FEM1B: variants seen among roughly 807,000 people sequenced by gnomAD.
The protein encoded by FEM1B is fem-1 homolog B.
A neutral mutation model predicts 38.6 loss-of-function variants in FEM1B; 10 were observed. The observed-to-expected ratio is 0.26, with a 90% CI of 0.16 to 0.44. FEM1B has a LOEUF of 0.44. Ranked by LOEUF, FEM1B falls within the 20% of genes least tolerant of loss-of-function variation. The probability of loss-of-function intolerance (pLI) is 1.00; values close to 1 mark genes in which losing one functional copy is unlikely to be tolerated. For missense variants in FEM1B, 471 were observed against 786.7 expected (o/e 0.60, Z 4.80); for synonymous variants, 288 against 288.0 (o/e 1.00, Z 0.00).
rs148495013 is a variant in FEM1B at position 68,290,045 on chromosome 15, C to G, written c.687C>G (p.Ser229Arg). ...CGCCATTGAAAGTAGCTGCCGAAAG[C>G]TGTAAAGCTGATGTCGTAGAACTGT... ...GMTPLKVAAESCKADVVELLL... is the reference protein window; with the variant it reads ...GMTPLKVAAERCKADVVELLL... Residue 229 changes from serine to arginine, a missense_variant, in exon 2 of 2, where the codon AGC (serine) becomes AGG (arginine). Transcript: ENST00000306917. This position sits in a 1 kb window ranked among gnomAD's most constrained non-coding sequence, Gnocchi z 9.7. 1.2e-6 allele frequency: 2 copies of G among 1,614,228 alleles called. No homozygotes were observed.
Position 68,278,708 on chromosome 15 carries a change from T to C in FEM1B, c.248+43T>C. On this transcript the variant is annotated intron_variant, in intron 1 of 1. Transcript: ENST00000306917. This position sits in a 1 kb window ranked among gnomAD's most constrained non-coding sequence, Gnocchi z 5.7. ...CAGCCTCTCTCCGACGCGCGCGGACTCGTTAATTCACGGGCCCTCCCCTCC... is the reference window on the plus strand; with the variant it reads ...CAGCCTCTCTCCGACGCGCGCGGACCCGTTAATTCACGGGCCCTCCCCTCC... 1 of 1,608,796 alleles carries C rather than the reference T, an allele frequency of 6.2e-7. No homozygotes were observed. Among genetic ancestry groups the C allele is most frequent in the Non-Finnish European group, 8.5e-7 (1 of 1,175,842 alleles).
chr15:68,291,297 AT>A lies in FEM1B; in HGVS notation c.*56del. On this transcript the variant is annotated 3_prime_UTR_variant, in exon 2 of 2. Transcript: ENST00000306917. The surrounding 1 kb of genome is among the most constrained non-coding windows in gnomAD (Gnocchi z 6.9). ...GGTGCTAAAAAGTAAAGGACTTTTA[AT>A]CACAGACAGTAGAATTATGTGTTCA... The A allele has an allele frequency of 7.6e-7, 1 of 1,312,040 alleles. No homozygotes were observed. Among genetic ancestry groups the A allele is most frequent in the Non-Finnish European group, 1.1e-6 (1 of 948,144 alleles). 81.3% of individuals were successfully genotyped at this position (1,312,040 alleles called of 1,614,324 possible).
Position 68,294,620 on chromosome 15 carries a change from GGAGT to G in FEM1B, c.*3383_*3386del, listed in dbSNP as rs1892884543. 2 of 151,976 alleles carry G rather than the reference GGAGT, an allele frequency of 1.3e-5. No homozygotes were observed. Among genetic ancestry groups the G allele is most frequent in the South Asian group, 4.2e-4 (2 of 4,808 alleles). 9.4% of individuals were successfully genotyped at this position (151,976 alleles called of 1,614,324 possible). Reference sequence around the variant, plus strand: ...TTTTTTTTGGAATGGGGTGGGATGAGGAGTGAGTTGCCAGACCTTTGATTAGTTT... The same window carrying G: ...TTTTTTTTGGAATGGGGTGGGATGAGGAGTTGCCAGACCTTTGATTAGTTT... On this transcript the variant is annotated 3_prime_UTR_variant, in exon 2 of 2. Transcript: ENST00000306917. The surrounding 1 kb of genome is among the most constrained non-coding windows in gnomAD (Gnocchi z 4.4).
intron 1 of FEM1B, among the ~76,000 whole-genome samples, chr15:68,285,275 A>T (rs1042747382): frequency 2.0e-5 from 3 of 147,786 alleles, no homozygotes; most frequent in Admixed American, 1.3e-4. Flanking sequence ...ATTAATTAAT[A>T]TTTTGGTTGT....
rs751042625 is a variant in FEM1B at position 68,278,548 on chromosome 15, G to T, written c.131G>T (p.Gly44Val). ...YLLGYVSQQG[G>V]QRSTPLIIAA... ...CTTGGCTATGTCAGCCAGCAGGGAG[G>T]GCAGCGCTCCACGCCCCTCATCATC... is the stretch of plus-strand genomic sequence containing the variant. The change falls in exon 1 of 2, where the codon GGG becomes GTG. Residue 44 changes from glycine to valine, a missense_variant. This residue lies in a region of FEM1B where 91 missense variants were observed against 169.6 expected (regional missense o/e 0.54). Transcript: ENST00000306917. This position sits in a 1 kb window ranked among gnomAD's most constrained non-coding sequence, Gnocchi z 5.7. The T allele has an allele frequency of 6.2e-7, 1 of 1,614,112 alleles. No homozygotes were observed. The highest frequency in any genetic ancestry group is 8.5e-7 in the Non-Finnish European group (1 of 1,180,036).
chr15:68,281,856 C>T lies in FEM1B; in HGVS notation c.248+3191C>T, dbSNP rs1450721743. ...GTCTCGATCTCCTGACCTCGTGATC[C>T]GCATGCCTCGGCCTCCCTAAGTGCT... On this transcript the variant is annotated intron_variant, in intron 1 of 1. Coordinates refer to ENST00000306917, the MANE Select transcript of FEM1B (RefSeq NM_015322.5). This position sits in a 1 kb window ranked among gnomAD's most constrained non-coding sequence, Gnocchi z 5.1. Among the ~76,000 whole-genome samples the T allele has an allele frequency of 7.9e-5, 12 of 152,248 alleles. No individual in the cohort carries two copies. Among genetic ancestry groups the T allele is most frequent in the African/African-American group, 2.4e-4 (10 of 41,534 alleles).
chr15:68,286,408 G>C (rs751807595), intron 1 of FEM1B, among the ~76,000 whole-genome samples: 1 of 151,682 alleles, frequency 6.6e-6, no homozygotes, highest in Non-Finnish European at 1.5e-5. Flanking sequence ...AGAGGTTCTC[G>C]CACTGTTGCT....
At chr15:68,286,967 A>G (rs1892796044) in intron 1 of FEM1B, among the ~76,000 whole-genome samples, 1 of 149,100 alleles carries the variant, frequency 6.7e-6, no homozygotes, top group Non-Finnish European at 1.5e-5. Flanking sequence ...AGCTCACTGC[A>G]ACCTCTGCCT....
chr15:68,278,224 C>A lies in FEM1B; in HGVS notation c.-194C>A. ...GCGCGGGCTGGGTCGCGGACGTGCC[C>A]TTCGCGGCACTCGGCCTCCTCTGCG... On this transcript the variant is annotated 5_prime_UTR_variant, in exon 1 of 2. Transcript: ENST00000306917. The surrounding 1 kb of genome is among the most constrained non-coding windows in gnomAD (Gnocchi z 5.7). The A allele has an allele frequency of 1.4e-6, 1 of 728,004 alleles. No individual in the cohort carries two copies. The highest frequency in any genetic ancestry group is 2.1e-6 in the Non-Finnish European group (1 of 469,314). The allele number at this position is 728,004 out of a possible 1,614,324, so 45.1% of individuals were successfully genotyped here.
At chr15:68,283,885 CT>C (rs35187853) in intron 1 of FEM1B, among the ~76,000 whole-genome samples, 12,304 of 138,968 alleles carry the variant, frequency 0.089, 431 homozygotes, top group Middle Eastern at 0.14. Flanking sequence ...CTCACGTAAA[CT>C]TTTTTTTTTT....
intron 1 of FEM1B, among the ~76,000 whole-genome samples, chr15:68,279,286 G>A (rs767436234): frequency 2.0e-5 from 3 of 152,244 alleles, no homozygotes; most frequent in Non-Finnish European, 4.4e-5. Flanking sequence ...CATTGGACCT[G>A]ATGTGGGAGA....
intron 1 of FEM1B, among the ~76,000 whole-genome samples, chr15:68,285,231 G>A (rs1369604337): frequency 3.3e-5 from 5 of 152,014 alleles, no homozygotes; most frequent in Admixed American, 2.6e-4. Flanking sequence ...GTGGTATTCC[G>A]TTGCATAAAT....
chr15:68,290,869 A>G lies in FEM1B; in HGVS notation c.1511A>G (p.Asn504Ser), dbSNP rs200910706. ...SNTPVDDFHT[N>S]DVCSFPNALV... ...ACTCCAGTTGATGATTTCCACACCA[A>G]TGACGTCTGCAGCTTTCCAAATGCA... Residue 504 changes from asparagine (N) to serine (S), a missense_variant, in exon 2 of 2, where the codon AAT becomes AGT. By Grantham distance (46) the Asn-to-Ser change is conservative. Transcript: ENST00000306917. This position sits in a 1 kb window ranked among gnomAD's most constrained non-coding sequence, Gnocchi z 9.7. 1.1e-5 allele frequency: 18 copies of G among 1,613,998 alleles called. No homozygotes were observed. Among genetic ancestry groups the G allele is most frequent in the Non-Finnish European group, 1.4e-5 (17 of 1,180,002 alleles).
At position 68,290,888 on chromosome 15, in the gene FEM1B, A is replaced by G; in HGVS notation, c.1530A>G (p.Pro510=). ...ACACCAATGACGTCTGCAGCTTTCC[A>G]AATGCACTTGTCACAAAGCTCCTGC... ...DFHTNDVCSF[P]NALVTKLLLD... The change falls in exon 2 of 2, where the codon CCA becomes CCG. Residue 510 remains proline, a synonymous_variant. Transcript: ENST00000306917. The surrounding 1 kb of genome is among the most constrained non-coding windows in gnomAD (Gnocchi z 9.7). 6.2e-7 allele frequency: 1 copy of G among 1,614,140 alleles called. No homozygotes were observed. Among genetic ancestry groups the G allele is most frequent in the Non-Finnish European group, 8.5e-7 (1 of 1,180,008 alleles).
At chr15:68,283,114 A>G (rs1377373664) in intron 1 of FEM1B, among the ~76,000 whole-genome samples, 1 of 152,118 alleles carries the variant, frequency 6.6e-6, no homozygotes, top group Non-Finnish European at 1.5e-5. Context: ...TAAACTGACC[A>G]AGTAGTTTCC....
rs1567115245 is a variant in FEM1B at position 68,293,575 on chromosome 15, A to G, written c.*2333A>G. ...GAATTTGAAGACAGTGGAATAAACT[A>G]TGAACTATGCTAATGGTAATTAGAT... On this transcript the variant is annotated 3_prime_UTR_variant, in exon 2 of 2. Coordinates refer to ENST00000306917, the MANE Select transcript of FEM1B (RefSeq NM_015322.5). This position sits in a 1 kb window ranked among gnomAD's most constrained non-coding sequence, Gnocchi z 5.8. The G allele has an allele frequency of 6.6e-6, 1 of 152,068 alleles. No individual in the cohort carries two copies. Among genetic ancestry groups the G allele is most frequent in the Admixed American group, 6.5e-5 (1 of 15,280 alleles). 9.4% of individuals were successfully genotyped at this position (152,068 alleles called of 1,614,324 possible).
chr15:68,290,947 A>T lies in FEM1B; in HGVS notation c.1589A>T (p.Asn530Ile). Residue 530 changes from asparagine (N) to isoleucine (I), a missense_variant, in exon 2 of 2, where the codon AAT becomes ATT. Transcript: ENST00000306917. The surrounding 1 kb of genome is among the most constrained non-coding windows in gnomAD (Gnocchi z 9.7). ...GGTGCTGAGGTGAATGCCGTGGACA[A>T]TGAGGGAAACAGTGCCCTTCATATT... ...DCGAEVNAVDNEGNSALHIIV... is the reference protein window; with the variant it reads ...DCGAEVNAVDIEGNSALHIIV... 6.2e-7 allele frequency: 1 copy of T among 1,614,202 alleles called. No homozygotes were observed.
At chr15:68,279,390 T>C (rs929978394) in intron 1 of FEM1B, among the ~76,000 whole-genome samples, 2 of 152,214 alleles carry the variant, frequency 1.3e-5, no homozygotes, top group African/African-American at 4.8e-5. Flanking sequence ...AAAATGCACA[T>C]TGTTATGCCT....
rs145992598 is a variant in FEM1B, at chr15:68,284,907, C to G, written c.249-4700C>G. On this transcript the variant is annotated intron_variant, in intron 1 of 1. Coordinates refer to ENST00000306917, the MANE Select transcript of FEM1B (RefSeq NM_015322.5). The surrounding 1 kb of genome is among the most constrained non-coding windows in gnomAD (Gnocchi z 4.4). ...ACAAGCTCACTTTGCCTGCTGCCATCCATGTAAGATGTGACTTGCTGCTCC... is the reference window on the plus strand; with the variant it reads ...ACAAGCTCACTTTGCCTGCTGCCATGCATGTAAGATGTGACTTGCTGCTCC... Among the ~76,000 whole-genome samples, 313 of 152,340 alleles carry G rather than the reference C, an allele frequency of 2.1e-3. 3 individuals are homozygous for G. The highest frequency in any genetic ancestry group is 0.013 in the East Asian group (70 of 5,188).
Sources: allele counts gnomAD v4.1 joint callset (sites outside exome capture counted in the v4.1 genomes callset), GRCh38; gene constraint gnomAD v4.1.1; regional missense constraint gnomAD v4.1.1; non-coding constraint Gnocchi (gnomAD v3.1); transcripts MANE v1.5; gene names NCBI Gene and HGNC (gene_info 2026-07-23, HGNC 2026-07-21).